TMPRSS9: variants seen among roughly 807,000 people sequenced by gnomAD.
TMPRSS9 encodes the protein transmembrane serine protease 9.
TMPRSS9 carries 113 observed loss-of-function variants against 111.4 expected under a neutral mutation model. That is an observed-to-expected ratio of 1.01 (90% CI 0.87 to 1.19). The LOEUF (loss-of-function observed/expected upper bound fraction) is 1.19. TMPRSS9 is among the 50% of genes most tolerant of loss of function. The pLI, the probability that TMPRSS9 is intolerant of heterozygous loss-of-function variation, is 0.00. For synonymous variants in TMPRSS9, 805 were observed against 659.1 expected (o/e 1.22, Z -3.39); for missense variants, 1,803 against 1,513.1 (o/e 1.19, Z -3.18).
At chr19:2,367,985 A>G (rs1970260972) in intron 1 of TMPRSS9, among the ~76,000 whole-genome samples, 1 of 152,222 alleles carries the variant, frequency 6.6e-6, no homozygotes, top group South Asian at 2.1e-4. Context: ...TGTTGGGATT[A>G]TAGGCATGAG....
In TMPRSS9 at chr19:2,414,018, G is replaced by T; in HGVS notation, c.1573G>T (p.Glu525Ter). 6.4e-7 allele frequency: 1 copy of T among 1,564,788 alleles called. No individual in the cohort carries two copies. The highest frequency in any genetic ancestry group is 2.3e-5 in the East Asian group (1 of 43,126). Residue 525 changes from glutamate (E) to a stop codon, truncating the protein, a stop_gained and splice_region_variant, in exon 10 of 18, where the codon GAA becomes TAA. Transcript: ENST00000648592. LOFTEE classifies it high-confidence loss of function. ...CTGGGTCACCGTTCCTAAGCTACAA[G>T]GTATTTTCGGGGCAGAAAGGTAGAA...
At chr19:2,383,065 T>C (rs1260658123) in intron 1 of TMPRSS9, among the ~76,000 whole-genome samples, 1 of 152,124 alleles carries the variant, frequency 6.6e-6, no homozygotes, top group African/African-American at 2.4e-5. Flanking sequence ...GATTTAAATG[T>C]TAATTGGGCT....
At position 2,380,714 on chromosome 19, in the gene TMPRSS9, C is replaced by A. The variant is rs578193682; in HGVS notation, c.-25-9047C>A. On this transcript the variant is annotated intron_variant, in intron 1 of 17. Coordinates refer to the TMPRSS9 transcript ENST00000649857. ...ATGCTGAGCAGAAGGCCCAGCTAAACCCTGTCAGAATCCTGACCCCAGGAA... is the reference window on the plus strand; with the variant it reads ...ATGCTGAGCAGAAGGCCCAGCTAAAACCTGTCAGAATCCTGACCCCAGGAA... 2.0e-5 allele frequency among the ~76,000 whole-genome samples: 3 copies of A among 152,246 alleles called. No individual in the cohort carries two copies. In the East Asian group the frequency reaches 5.8e-4, roughly 29 times the overall value.
intron 14 of TMPRSS9, 145 bp from the exon 16 acceptor site, chr19:2,423,944 C>G: frequency 1.2e-6 from 1 of 850,160 alleles, no homozygotes; most frequent in African/African-American, 1.8e-5. Flanking sequence ...GTGTCCTTTC[C>G]TGCTGAGTTT....
intron 7 of TMPRSS9, among the ~76,000 whole-genome samples, chr19:2,407,635 A>G (rs1194040616): frequency 2.0e-5 from 2 of 98,584 alleles, no homozygotes; most frequent in Non-Finnish European, 2.0e-5. Context: ...TTTTTGAGAC[A>G]GGTTACCTGT....
At chr19:2,363,472 A>G (rs991582178) in intron 1 of TMPRSS9, among the ~76,000 whole-genome samples, 38 of 146,742 alleles carry the variant, frequency 2.6e-4, no homozygotes, top group African/African-American at 9.4e-4. Flanking sequence ...CTCTGATGGC[A>G]GACACATGGG....
chr19:2,407,983 C>T (rs1971006590), intron 7 of TMPRSS9, among the ~76,000 whole-genome samples: 1 of 151,974 alleles, frequency 6.6e-6, no homozygotes, highest in African/African-American at 2.4e-5. Flanking sequence ...GGGGTTTCAC[C>T]ATCTTGGCCA....
upstream of TMPRSS9, among the ~76,000 whole-genome samples, chr19:2,385,788 C>CT (rs1970464234): frequency 6.6e-6 from 1 of 152,024 alleles, no homozygotes; most frequent in South Asian, 2.1e-4. Flanking sequence ...GAGGTAGAGG[C>CT]TGCAGTGAGC....
At chr19:2,399,272 C>T in intron 4 of TMPRSS9, 79 bp downstream of exon 5, 1 of 1,471,522 alleles carries the variant, frequency 6.8e-7, no homozygotes, top group Non-Finnish European at 9.0e-7. Flanking sequence ...ATTTTGATAA[C>T]CACCCCTTCC....
Position 2,393,790 on chromosome 19 carries a change from C to A in TMPRSS9, c.143-2749C>A, listed in dbSNP as rs186851378. ...GTACGCGCCTGTAATCCCAGCTACT[C>A]AGGAGGCTGAGGTTGGAGAATTGCT... On this transcript the variant is annotated intron_variant, in intron 1 of 17. Transcript: ENST00000648592. 1.9e-3 allele frequency among the ~76,000 whole-genome samples: 289 copies of A among 149,590 alleles called. 2 individuals are homozygous for A. The highest frequency in any genetic ancestry group is 6.8e-3 in the African/African-American group (274 of 40,328).
In TMPRSS9 at chr19:2,398,873, G is replaced by T. The variant is rs1381939329; in HGVS notation, c.338+11G>T. ...GGTACTGAATTATAGGTGAGTTGGAGCTTCCATTGGGTGAAGGAAACTTGG... is the reference window on the plus strand; with the variant it reads ...GGTACTGAATTATAGGTGAGTTGGATCTTCCATTGGGTGAAGGAAACTTGG... On this transcript the variant is annotated intron_variant, in intron 3 of 17. Coordinates refer to ENST00000648592, the Ensembl canonical transcript of TMPRSS9. 6.5e-7 allele frequency: 1 copy of T among 1,527,216 alleles called. No homozygotes were observed. Among genetic ancestry groups the T allele is most frequent in the East Asian group, 2.5e-5 (1 of 40,344 alleles). The allele number at this position is 1,527,216 out of a possible 1,614,324, so 94.6% of individuals were successfully genotyped here.
At chr19:2,380,628 C>T (rs1970378777) in intron 1 of TMPRSS9, among the ~76,000 whole-genome samples, 1 of 143,062 alleles carries the variant, frequency 7.0e-6, no homozygotes, top group South Asian at 2.3e-4. Flanking sequence ...GTGGATTCTT[C>T]CCCAGTCAAG....
intron 8 of TMPRSS9, 120 bp from the exon 10 acceptor site, chr19:2,410,138 T>A (rs955775369): frequency 7.0e-7 from 1 of 1,421,940 alleles, no homozygotes; most frequent in Non-Finnish European, 9.6e-7. Flanking sequence ...TAGGTGGCCA[T>A]GCTTGGAGCT....
At chr19:2,376,959 G>A (rs1208104850) in intron 1 of TMPRSS9, among the ~76,000 whole-genome samples, 1 of 152,044 alleles carries the variant, frequency 6.6e-6, no homozygotes, top group Admixed American at 6.6e-5. Context: ...CCGGGGCAGA[G>A]GCACACCAGC....
At chr19:2,391,423 G>C (rs1275543743) in intron 1 of TMPRSS9, among the ~76,000 whole-genome samples, 2 of 148,456 alleles carry the variant, frequency 1.3e-5, no homozygotes, top group African/African-American at 2.5e-5. Flanking sequence ...GAAACTCCCA[G>C]AGCCAGACAT....
At chr19:2,379,620 T>TCTTTCTTTCTTTCTTTCTTTC (rs1970367138) in intron 1 of TMPRSS9, among the ~76,000 whole-genome samples, 2 of 105,016 alleles carry the variant, frequency 1.9e-5, no homozygotes, top group South Asian at 3.3e-4. Flanking sequence ...TCTTTCTCTT[T>TCTTTCTTTCTTTCTTTCTTTC]CTTTCTTTCT....
chr19:2,413,634 C>A, intron 9 of TMPRSS9, 66 bp from the exon 11 acceptor site: 1 of 1,522,536 alleles, frequency 6.6e-7, no homozygotes, highest in South Asian at 1.2e-5. Context: ...CTTCTTGGGC[C>A]TCGTAGCACT....
At chr19:2,425,906 C>T (rs202049601) in intron 17 of TMPRSS9, 21 bp from the exon 19 acceptor site, 7 of 1,573,576 alleles carry the variant, frequency 4.4e-6, no homozygotes, top group Admixed American at 4.0e-5. Context: ...CTCTGAACCC[C>T]CTTTCTTCTC....
rs201218856 is a variant in TMPRSS9, at chr19:2,389,842, C to T, written c.57C>T (p.Pro19=). Residue 19 remains proline (P), a synonymous_variant, in exon 1 of 18, where the codon CCC becomes CCT. Transcript: ENST00000648592. Reference sequence around the variant, plus strand: ...TGCCCAGGACAACCAAGGAAGTCCCCGCTCTGGATGCCGCGTGCTGTCGAG... The same window carrying T: ...TGCCCAGGACAACCAAGGAAGTCCCTGCTCTGGATGCCGCGTGCTGTCGAG... 1.7e-5 allele frequency: 28 copies of T among 1,614,038 alleles called. No homozygotes were observed. The East Asian group carries it at 4.2e-4, about 24-fold the overall frequency.
Sources: gnomAD v4.1 joint callset for allele counts (sites outside exome capture counted in the v4.1 genomes callset) on GRCh38, gnomAD v4.1.1 for gene constraint, MANE v1.5 for transcripts, NCBI Gene and HGNC (gene_info 2026-07-23, HGNC 2026-07-21) for gene names.